The following CTNNA3 variants were observed in gnomAD, a reference collection of about 807,000 sequenced individuals.
CTNNA3 encodes the protein catenin alpha 3.
CTNNA3 carries 76 observed loss-of-function variants against 95.7 expected under a neutral mutation model. That is an observed-to-expected ratio of 0.79 (90% CI 0.66 to 0.96). The LOEUF (loss-of-function observed/expected upper bound fraction) is 0.96. CTNNA3 is among the 40% of genes least tolerant of loss of function. CTNNA3 has a pLI of 0.00. For synonymous variants in CTNNA3, 431 were observed against 374.4 expected (o/e 1.15, Z -1.74); for missense variants, 1,191 against 1,089.8 (o/e 1.09, Z -1.31).
intron 5 of CTNNA3, among the ~76,000 whole-genome samples, chr10:67,425,533 A>G (rs1426650758): frequency 1.3e-5 from 2 of 152,058 alleles, no homozygotes; most frequent in African/African-American, 4.8e-5. Flanking sequence ...TGAAGAGGAA[A>G]AAAAAACCGT....
intron 7 of CTNNA3, among the ~76,000 whole-genome samples, chr10:66,906,846 G>A (rs1846008113): frequency 6.6e-6 from 1 of 151,912 alleles, no homozygotes; most frequent in African/African-American, 2.4e-5. Flanking sequence ...ATGAGGGTGG[G>A]GTATAACTGG....
intron 15 of CTNNA3, among the ~76,000 whole-genome samples, chr10:66,008,706 AAAC>A (rs2078945291): frequency 6.6e-6 from 1 of 152,240 alleles, no homozygotes; most frequent in Non-Finnish European, 1.5e-5. Flanking sequence ...AAGATAAAAG[AAAC>A]TATTTTAAAT....
chr10:67,210,223 C>T (rs778390929), intron 6 of CTNNA3, among the ~76,000 whole-genome samples: 8 of 152,192 alleles, frequency 5.3e-5, no homozygotes, highest in Non-Finnish European at 1.0e-4. Context: ...AGGAGAATTG[C>T]TTGAACCTGG....
chr10:67,587,506 G>A (rs899814805), intron 3 of CTNNA3, among the ~76,000 whole-genome samples: 2 of 152,060 alleles, frequency 1.3e-5, no homozygotes, highest in African/African-American at 4.8e-5. Context: ...GCTGATAGTT[G>A]ATTTCTTTCA....
At chr10:66,090,501 G>A (rs1035701081) in intron 14 of CTNNA3, among the ~76,000 whole-genome samples, 1 of 151,966 alleles carries the variant, frequency 6.6e-6, no homozygotes. Flanking sequence ...ACCCTATGAT[G>A]TATGTCCATT....
chr10:66,386,317 C>T (rs934846370), intron 11 of CTNNA3, among the ~76,000 whole-genome samples: 7 of 152,090 alleles, frequency 4.6e-5, no homozygotes, highest in Non-Finnish European at 7.4e-5. Context: ...AAACAAAGAG[C>T]CAAATCATGA....
At chr10:66,933,276 G>A (rs979114993) in intron 7 of CTNNA3, among the ~76,000 whole-genome samples, 13 of 152,192 alleles carry the variant, frequency 8.5e-5, no homozygotes, top group African/African-American at 2.7e-4. Context: ...TCCACCTCAT[G>A]TTATCTAAGT....
rs192657770 is a variant in CTNNA3, at chr10:67,631,289, C to A, written c.99+16126G>T. The stretch of plus-strand genomic sequence containing the variant: ...GCAAAATGACCCAAGAGAAAAAAAT[C>A]TCTGTGCCCAAGAGAAAAAAAAAAT... On this transcript the variant is annotated intron_variant, in intron 2 of 17. Coordinates refer to ENST00000433211, the MANE Select transcript of CTNNA3 (RefSeq NM_013266.4). Among the ~76,000 whole-genome samples, 1,028 of 151,370 alleles carry A rather than the reference C, an allele frequency of 6.8e-3. 6 individuals are homozygous for A. The highest frequency in any genetic ancestry group is 0.01 in the Middle Eastern group (3 of 294).
chr10:66,639,584 C>A (rs543833535), intron 9 of CTNNA3, among the ~76,000 whole-genome samples: 1 of 152,244 alleles, frequency 6.6e-6, no homozygotes, highest in South Asian at 2.1e-4. Context: ...AGTGGAAACA[C>A]ATCACATATT....
At position 65,929,190 on chromosome 10, in the gene CTNNA3, G is replaced by A. The variant is rs78180886; in HGVS notation, c.2401-8573C>T. On this transcript the variant is annotated intron_variant, in intron 17 of 17. Transcript: ENST00000433211. ...GGTTTCTAGCTTCATCCATGTCCCT[G>A]CAAAGGACATGAACTCATCATTTTT... Among the ~76,000 whole-genome samples the A allele has an allele frequency of 0.011, 1,602 of 152,188 alleles. 76 individuals carry two copies. The East Asian group carries it at 0.15, about 14-fold the overall frequency.
chr10:67,690,995 G>A (rs1489581166), intron 1 of CTNNA3, among the ~76,000 whole-genome samples: 1 of 152,176 alleles, frequency 6.6e-6, no homozygotes, highest in Non-Finnish European at 1.5e-5. Flanking sequence ...CTCCCTGCCT[G>A]ATTCTCCTGC....
In CTNNA3 at chr10:65,919,085, C is replaced by T. The variant is rs964077215; in HGVS notation, c.*1245G>A. ...CTCTATGAATGAGAAAAAATGAAAA[C>T]AAAACTTATGGCCTCCAAAGAGTTT... On this transcript the variant is annotated 3_prime_UTR_variant, in exon 18 of 18. Transcript: ENST00000433211. 2.0e-5 allele frequency: 3 copies of T among 151,904 alleles called. No homozygotes were observed. The highest frequency in any genetic ancestry group is 4.4e-5 in the Non-Finnish European group (3 of 67,956). 9.4% of individuals were successfully genotyped at this position (151,904 alleles called of 1,614,324 possible).
Position 66,819,451 on chromosome 10 carries a change from C to T in CTNNA3, c.1048-43927G>A, listed in dbSNP as rs187404924. 1.0e-3 allele frequency among the ~76,000 whole-genome samples: 155 copies of T among 151,984 alleles called. 5 individuals carry two copies. In the East Asian group the frequency reaches 0.016, roughly 16 times the overall value. On this transcript the variant is annotated intron_variant, in intron 7 of 17. Transcript: ENST00000433211. Reference sequence around the variant, plus strand: ...TTAGTCAATAGTTTCTTAGGTATGACATCAAAAGTACGAGCAGCGAAAAAT... The same window carrying T: ...TTAGTCAATAGTTTCTTAGGTATGATATCAAAAGTACGAGCAGCGAAAAAT...
intron 5 of CTNNA3, among the ~76,000 whole-genome samples, chr10:67,305,231 G>C (rs1226110228): frequency 6.6e-6 from 1 of 152,048 alleles, no homozygotes; most frequent in Non-Finnish European, 1.5e-5. Context: ...AGCCGAGATC[G>C]CGCCACTGCA....
intron 13 of CTNNA3, among the ~76,000 whole-genome samples, chr10:66,206,318 C>A (rs2087752145): frequency 6.6e-6 from 1 of 151,872 alleles, no homozygotes; most frequent in African/African-American, 2.4e-5. Context: ...TCAAATAAAC[C>A]TTTCAAAGAC....
At chr10:67,045,875 C>G (rs1589655813) in intron 7 of CTNNA3, among the ~76,000 whole-genome samples, 1 of 152,146 alleles carries the variant, frequency 6.6e-6, no homozygotes, top group African/African-American at 2.4e-5. Flanking sequence ...TTAACCTGGT[C>G]CCCCAAATAA....
chr10:66,038,153 T>C (rs543678103), intron 15 of CTNNA3, among the ~76,000 whole-genome samples: 29 of 152,220 alleles, frequency 1.9e-4, no homozygotes, highest in Non-Finnish European at 3.8e-4. Flanking sequence ...TTCATGTCTA[T>C]ATGTAACCCA....
chr10:66,515,942 AC>A (rs1249578007), intron 11 of CTNNA3, among the ~76,000 whole-genome samples: 2 of 151,980 alleles, frequency 1.3e-5, no homozygotes, highest in Non-Finnish European at 2.9e-5. Context: ...CTTCACAAGT[AC>A]CAGATAAGTT....
rs747148597 is a variant in CTNNA3, at chr10:67,606,871, T to G, written c.278A>C (p.Glu93Ala). 1 of 1,613,412 alleles carries G rather than the reference T, an allele frequency of 6.2e-7. No homozygotes were observed. Among genetic ancestry groups the G allele is most frequent in the South Asian group, 1.1e-5 (1 of 90,936 alleles). The change falls in exon 3 of 18, where the codon GAA becomes GCA. Residue 93 changes from glutamate (E) to alanine (A), a missense_variant. By Grantham distance (107) the Glu-to-Ala change is moderately radical. Coordinates refer to ENST00000433211, the MANE Select transcript of CTNNA3 (RefSeq NM_013266.4). ...LKDELTASLE[E>A]VRKESEALKV... The stretch of plus-strand genomic sequence containing the variant: ...GGAGTACTCACTTTCTTTGCGAACT[T>G]CCTCAAGTGAAGCCGTAAGCTCATC...
Sources: gnomAD v4.1 joint callset for allele counts (sites outside exome capture counted in the v4.1 genomes callset) on GRCh38, gnomAD v4.1.1 for gene constraint, MANE v1.5 for transcripts, NCBI Gene and HGNC (gene_info 2026-07-23, HGNC 2026-07-21) for gene names.